Variants in SLCO6A1 observed in about 807,000 individuals in gnomAD.
The protein encoded by SLCO6A1 is cancer/testis antigen 48.
SLCO6A1 carries 65 observed loss-of-function variants against 72.7 expected under a neutral mutation model. That is an observed-to-expected ratio of 0.89 (90% CI 0.73 to 1.10). The LOEUF (loss-of-function observed/expected upper bound fraction) is 1.10, where lower values mean the gene tolerates loss of function less well. Among genes scored for constraint, SLCO6A1 ranks in the 50% least tolerant of loss-of-function variants. The pLI, the probability that SLCO6A1 is intolerant of heterozygous loss-of-function variation, is 0.00. For synonymous variants in SLCO6A1, 314 were observed against 298.2 expected (o/e 1.05, Z -0.55); for missense variants, 874 against 872.6 (o/e 1.00, Z -0.02).
Position 102,427,865 on chromosome 5 carries a change from T to TATATATATATA in SLCO6A1, c.1277-7845_1277-7844insTATATATATAT, listed in dbSNP as rs1491508485. On this transcript the variant is annotated intron_variant, in intron 7 of 13. Transcript: ENST00000506729. ...GTATACATATATATATATATATATA[T>TATATATATATA]TTTTTTTTTTTTTTTTTTTTTTGAG... Among the ~76,000 whole-genome samples, 13 of 72,688 alleles carry TATATATATATA rather than the reference T, an allele frequency of 1.8e-4. 1 individual carries two copies. Among genetic ancestry groups the TATATATATATA allele is most frequent in the South Asian group, 1.2e-3 (3 of 2,538 alleles). The allele number at this position is 72,688 out of a possible 152,430, so 47.7% of individuals were successfully genotyped here. A position where few individuals can be genotyped will look rare whatever the true frequency, so the allele number is the denominator to read the frequency against.
chr5:102,477,728 T>G lies in SLCO6A1; in HGVS notation c.750A>C (p.Gly250=). 6.2e-7 allele frequency: 1 copy of G among 1,613,750 alleles called. No individual in the cohort carries two copies. The change falls in exon 3 of 14, where the codon GGA becomes GGC. Residue 250 remains glycine, a synonymous_variant. Coordinates refer to ENST00000506729, the MANE Select transcript of SLCO6A1 (RefSeq NM_173488.5). The stretch of plus-strand genomic sequence containing the variant: ...CAACATTCTCATCAATAAAGGTTAT[T>G]CCAAGGATATAAAGAGGCATTCCTG... ...GIAGMPLYIL[G]ITFIDENVAT...
At chr5:102,426,684 G>T (rs1748912161) in intron 7 of SLCO6A1, among the ~76,000 whole-genome samples, 1 of 152,196 alleles carries the variant, frequency 6.6e-6, no homozygotes, top group Non-Finnish European at 1.5e-5. Context: ...GTGTAAATTA[G>T]TTCAATCATT....
chr5:102,385,872 C>T (rs1746392106), intron 12 of SLCO6A1, among the ~76,000 whole-genome samples: 1 of 147,752 alleles, frequency 6.8e-6, no homozygotes. Context: ...GACTATGTTG[C>T]CTAGGCTGGC....
chr5:102,373,613 C>A, intron 12 of SLCO6A1, 119 bp from the exon 13 acceptor site: 1 of 538,354 alleles, frequency 1.9e-6, no homozygotes, highest in Non-Finnish European at 2.9e-6. Context: ...ATAAATTTCC[C>A]AATTTTAGAA....
chr5:102,437,583 G>GA (rs1206536144), intron 7 of SLCO6A1, among the ~76,000 whole-genome samples: 4 of 152,092 alleles, frequency 2.6e-5, no homozygotes, highest in East Asian at 1.9e-4. Flanking sequence ...GTGTGCTCAT[G>GA]AAAAAATTTG....
intron 1 of SLCO6A1, among the ~76,000 whole-genome samples, chr5:102,489,454 T>C (rs1418706681): frequency 2.0e-5 from 3 of 152,160 alleles, no homozygotes; most frequent in Non-Finnish European, 4.4e-5. Flanking sequence ...GCAAAAGCCC[T>C]GAATAGGCAT....
At chr5:102,429,656 G>T (rs1037565830) in intron 7 of SLCO6A1, among the ~76,000 whole-genome samples, 21 of 151,864 alleles carry the variant, frequency 1.4e-4, no homozygotes, top group Non-Finnish European at 2.5e-4. Flanking sequence ...CTGTTCCATT[G>T]GTCTATGTGT....
intron 1 of SLCO6A1, among the ~76,000 whole-genome samples, chr5:102,481,441 T>C (rs1425171441): frequency 6.6e-6 from 1 of 151,782 alleles, no homozygotes. Context: ...GAAAAGAGAG[T>C]CTTCCCTTTG....
At chr5:102,408,127 A>G (rs1345943695) in intron 9 of SLCO6A1, among the ~76,000 whole-genome samples, 2 of 152,168 alleles carry the variant, frequency 1.3e-5, no homozygotes, top group East Asian at 3.9e-4. Context: ...TCCTATACAT[A>G]CATACCTATA....
chr5:102,441,369 A>C (rs1023555462), intron 6 of SLCO6A1, among the ~76,000 whole-genome samples: 1 of 152,172 alleles, frequency 6.6e-6, no homozygotes, highest in African/African-American at 2.4e-5. Flanking sequence ...TTACATAGCA[A>C]GTTCTTATGT....
chr5:102,485,618 A>G (rs1237820478), intron 1 of SLCO6A1, among the ~76,000 whole-genome samples: 1 of 152,222 alleles, frequency 6.6e-6, no homozygotes, highest in African/African-American at 2.4e-5. Context: ...ATGTGTTATT[A>G]CACGTGTTGG....
chr5:102,491,598 C>T (rs1292902103), intron 1 of SLCO6A1, among the ~76,000 whole-genome samples: 1 of 152,258 alleles, frequency 6.6e-6, no homozygotes, highest in African/African-American at 2.4e-5. Context: ...AGGTGCTAAG[C>T]CCCTCACTGC....
intron 12 of SLCO6A1, among the ~76,000 whole-genome samples, chr5:102,385,204 T>C (rs1213997052): frequency 6.6e-6 from 1 of 152,140 alleles, no homozygotes; most frequent in Non-Finnish European, 1.5e-5. Context: ...TAGTGATGAA[T>C]TGCTTTTCTC....
At chr5:102,453,337 CAAAA>C (rs34076015) in intron 6 of SLCO6A1, among the ~76,000 whole-genome samples, 15 of 136,428 alleles carry the variant, frequency 1.1e-4, no homozygotes, top group Non-Finnish European at 2.1e-4. Context: ...GACCCTGCCT[CAAAA>C]AAAAAAAAAA....
At chr5:102,468,858 A>G (rs1751446186) in intron 4 of SLCO6A1, among the ~76,000 whole-genome samples, 1 of 152,198 alleles carries the variant, frequency 6.6e-6, no homozygotes, top group African/African-American at 2.4e-5. Flanking sequence ...GAAAGGATCC[A>G]GTTTCAGCTT....
chr5:102,406,880 C>T (rs10057126), intron 9 of SLCO6A1, among the ~76,000 whole-genome samples: 98,437 of 152,008 alleles, frequency 0.65, 32,076 homozygotes, highest in African/African-American at 0.67. Context: ...ACTATCTATA[C>T]TTAAATAAAC....
intron 4 of SLCO6A1, among the ~76,000 whole-genome samples, chr5:102,474,155 T>C (rs373292949): frequency 2.6e-5 from 4 of 151,946 alleles, no homozygotes; most frequent in African/African-American, 9.7e-5. Flanking sequence ...GTTGGAGGCA[T>C]AACACTTCCT....
chr5:102,449,418 G>A (rs764213607), intron 6 of SLCO6A1, among the ~76,000 whole-genome samples: 16 of 149,678 alleles, frequency 1.1e-4, no homozygotes, highest in Admixed American at 7.3e-4. Flanking sequence ...ACAGAGTCTC[G>A]CTCTGTTGCC....
At chr5:102,388,321 A>C (rs1479866118) in intron 12 of SLCO6A1, among the ~76,000 whole-genome samples, 1 of 151,978 alleles carries the variant, frequency 6.6e-6, no homozygotes, top group Non-Finnish European at 1.5e-5. Context: ...ATATAACTAG[A>C]TAATCCTTTT....
Sources: allele counts gnomAD v4.1 joint callset (sites outside exome capture counted in the v4.1 genomes callset), GRCh38; gene constraint gnomAD v4.1.1; transcripts MANE v1.5; gene names NCBI Gene and HGNC (gene_info 2026-07-23, HGNC 2026-07-21).